The following STOML3 variants were observed in gnomAD, a reference collection of about 807,000 sequenced individuals.
STOML3 encodes stomatin-like protein 3.
STOML3 carries 31 observed loss-of-function variants against 29.5 expected under a neutral mutation model. The ratio of observed to expected loss-of-function variants is 1.05; its 90% CI spans 0.79 to 1.42. The LOEUF (loss-of-function observed/expected upper bound fraction) is 1.42, where lower values mean the gene tolerates loss of function less well. Among genes scored for constraint, STOML3 ranks in the 40% most tolerant of loss-of-function variants. STOML3 has a pLI of 0.00. For missense variants in STOML3, 380 were observed against 363.0 expected, an observed-to-expected ratio of 1.05 and a Z score of -0.38; for synonymous variants, 122 against 139.8, an observed-to-expected ratio of 0.87 and a Z score of 0.90.
intron 4 of STOML3, among the ~76,000 whole-genome samples, 195 bp downstream of exon 4, chr13:38,972,317 T>C (rs1880899789): frequency 6.6e-6 from 1 of 152,208 alleles, no homozygotes; most frequent in Non-Finnish European, 1.5e-5. Flanking sequence ...TGCTCTTGGC[T>C]TCATTCTCAT....
At chr13:38,980,113 A>G in intron 1 of STOML3, 2 of 1,551,684 alleles carry the variant, frequency 1.3e-6, no homozygotes, top group South Asian at 1.2e-5. Flanking sequence ...CATGAGGCTC[A>G]GCTCCATTAG....
chr13:38,985,907 C>CTTTTTTTTT (rs1868500200), intron 1 of STOML3, among the ~76,000 whole-genome samples: 11 of 23,656 alleles, frequency 4.6e-4, no homozygotes, highest in East Asian at 1.5e-3. Flanking sequence ...TTTTTCTTTT[C>CTTTTTTTTT]TTTCTTTTTT....
chr13:38,988,333 A>AAAATG (rs1868758324), intron 1 of STOML3, among the ~76,000 whole-genome samples: 1 of 79,114 alleles, frequency 1.3e-5, no homozygotes, highest in African/African-American at 7.2e-5. Flanking sequence ...TATTTTATAT[A>AAAATG]TAATATATTA....
intron 1 of STOML3, among the ~76,000 whole-genome samples, chr13:38,986,364 A>T (rs891479504): frequency 2.0e-5 from 3 of 152,142 alleles, no homozygotes; most frequent in Admixed American, 6.5e-5. Context: ...AGTAAAATTT[A>T]AAATTATCAT....
chr13:38,984,237 C>T (rs1868419107), intron 1 of STOML3, among the ~76,000 whole-genome samples: 2 of 152,120 alleles, frequency 1.3e-5, no homozygotes, highest in Admixed American at 1.3e-4. Context: ...ACATGAATAC[C>T]CCCTACAGTA....
intron 3 of STOML3, 129 bp downstream of exon 3, chr13:38,976,411 G>T (rs1881073908): frequency 4.1e-6 from 4 of 977,768 alleles, no homozygotes; most frequent in Non-Finnish European, 1.5e-6. Context: ...GTACCAAAAG[G>T]CAAGAGCCCC....
chr13:38,973,541 C>T lies in STOML3; in HGVS notation c.230-947G>A, dbSNP rs147854852. 4.0e-3 allele frequency among the ~76,000 whole-genome samples: 604 copies of T among 152,254 alleles called. 3 individuals carry two copies. Among genetic ancestry groups the T allele is most frequent in the African/African-American group, 0.012 (514 of 41,552 alleles). ...GGACATGACAGCTCCCTGAGACTTC[C>T]TTTACAAGGCCACTAATTCCACTCG... On this transcript the variant is annotated intron_variant, in intron 3 of 6. Coordinates refer to ENST00000379631, the MANE Select transcript of STOML3 (RefSeq NM_145286.3).
intron 1 of STOML3, among the ~76,000 whole-genome samples, chr13:38,981,863 C>T (rs531170429): frequency 3.1e-4 from 47 of 152,242 alleles, no homozygotes; most frequent in Admixed American, 9.8e-4. Context: ...GAAGTGTCTA[C>T]TAAAGCTAAA....
At chr13:38,971,670 G>C (rs9603489) in intron 4 of STOML3, among the ~76,000 whole-genome samples, 4,399 of 152,216 alleles carry the variant, frequency 0.029, 223 homozygotes, top group African/African-American at 0.099. Flanking sequence ...GGCCTTTTAT[G>C]CCTGCACTTT....
chr13:38,986,464 G>A (rs1868558122), intron 1 of STOML3, among the ~76,000 whole-genome samples: 1 of 152,188 alleles, frequency 6.6e-6, no homozygotes, highest in Admixed American at 6.5e-5. Context: ...TATGTGGAAT[G>A]AGAACAATCC....
chr13:38,987,811 ATATAT>A (rs1210128967), intron 1 of STOML3, among the ~76,000 whole-genome samples: 1 of 99,056 alleles, frequency 1.0e-5, no homozygotes, highest in Non-Finnish European at 1.9e-5. Context: ...TTTATATATA[ATATAT>A]TATATTTTAT....
At chr13:38,984,111 C>T (rs1439016931) in intron 1 of STOML3, among the ~76,000 whole-genome samples, 1 of 152,170 alleles carries the variant, frequency 6.6e-6, no homozygotes, top group Admixed American at 6.5e-5. Flanking sequence ...GCCCAGGCTT[C>T]ACACACGGGC....
chr13:38,973,004 A>T (rs896414699), intron 3 of STOML3, among the ~76,000 whole-genome samples: 1 of 148,902 alleles, frequency 6.7e-6, no homozygotes, highest in African/African-American at 2.5e-5. Context: ...CACGCCTGTA[A>T]TCCCAGCACT....
chr13:38,968,269 A>T, intron 6 of STOML3, 131 bp downstream of exon 6: 1 of 1,341,358 alleles, frequency 7.5e-7, no homozygotes, highest in Non-Finnish European at 1.0e-6. Flanking sequence ...GAAAATTCTC[A>T]GTAAAACTGT....
rs1370377578 is a variant in STOML3, at chr13:38,976,775, A to G, written c.75T>C (p.Gly25=). 1 of 1,613,814 alleles carries G rather than the reference A, an allele frequency of 6.2e-7. No homozygotes were observed. Among genetic ancestry groups the G allele is most frequent in the Admixed American group, 1.7e-5 (1 of 59,968 alleles). Residue 25 remains glycine, a synonymous_variant, in exon 2 of 7, where the codon GGT becomes GGC. Transcript: ENST00000379631. ...NFVGVNNKRL[G]VCGWILFSLS... ...GGGAAAACAGGATCCAGCCACATAC[A>G]CCAAGCCGTTTATTGTTGACACCTA...
intron 1 of STOML3, among the ~76,000 whole-genome samples, chr13:38,988,666 T>G (rs75691114): frequency 7.6e-6 from 1 of 132,116 alleles, no homozygotes; most frequent in Non-Finnish European, 1.6e-5. Flanking sequence ...ATATTATATA[T>G]TGAAATTTTA....
chr13:38,965,973 G>A lies in STOML3; in HGVS notation c.*852C>T, dbSNP rs1458858549. The A allele has an allele frequency of 1.3e-5, 2 of 152,078 alleles. No homozygotes were observed. The highest frequency in any genetic ancestry group is 2.9e-5 in the Non-Finnish European group (2 of 68,010). The allele number at this position is 152,078 out of a possible 1,614,324, so 9.4% of individuals were successfully genotyped here. On this transcript the variant is annotated 3_prime_UTR_variant, in exon 7 of 7. Transcript: ENST00000379631. ...TCTATGCCTTCTTTGTTTTGAACAGGTTATTTGGCAGGTGGGGGAGGGGAT... is the reference window on the plus strand; with the variant it reads ...TCTATGCCTTCTTTGTTTTGAACAGATTATTTGGCAGGTGGGGGAGGGGAT...
In STOML3 at chr13:38,970,282, G is replaced by A. The variant is rs560327450; in HGVS notation, c.419C>T (p.Thr140Ile). 3 of 1,614,206 alleles carry A rather than the reference G, an allele frequency of 1.9e-6. No homozygotes were observed. The highest frequency in any genetic ancestry group is 1.7e-5 in the Admixed American group (1 of 60,028). ...VANVNDVHQA[T>I]FLLAQTTLRN... The stretch of plus-strand genomic sequence containing the variant: ...CAGAGTGGTTTGAGCCAGCAGAAAT[G>A]TTGCTTGATGGACATCGTTGACATT... The change falls in exon 5 of 7, where the codon ACA becomes ATA. Residue 140 changes from threonine to isoleucine, a missense_variant. By Grantham distance (89) the Thr-to-Ile change is moderately conservative. Coordinates refer to ENST00000379631, the MANE Select transcript of STOML3 (RefSeq NM_145286.3).
intron 1 of STOML3, 74 bp downstream of exon 1, chr13:38,990,596 C>T (rs1390392386): frequency 1.4e-6 from 2 of 1,480,586 alleles, no homozygotes; most frequent in South Asian, 1.2e-5. Context: ...TACTCTATAC[C>T]TGTCTATAAT....
Sources: allele counts gnomAD v4.1 joint callset (sites outside exome capture counted in the v4.1 genomes callset), GRCh38; gene constraint gnomAD v4.1.1; transcripts MANE v1.5; gene names NCBI Gene and HGNC (gene_info 2026-07-23, HGNC 2026-07-21).